The following UNC5D variants were observed in gnomAD, a reference collection of about 807,000 sequenced individuals.
The protein encoded by UNC5D is netrin receptor UNC5D.
In UNC5D, 39 loss-of-function variants were observed where a neutral mutation model predicts 105.4. That is an observed-to-expected ratio of 0.37 (90% CI 0.29 to 0.48). The LOEUF (loss-of-function observed/expected upper bound fraction) is 0.48, where lower values mean the gene tolerates loss of function less well. Ranked by LOEUF, UNC5D falls within the 20% of genes least tolerant of loss-of-function variation. UNC5D has a pLI of 0.98. For synonymous variants in UNC5D, 452 were observed against 450.4 expected, an observed-to-expected ratio of 1.00 and a Z score of -0.04; for missense variants, 991 against 1,202.4, an observed-to-expected ratio of 0.82 and a Z score of 2.60.
chr8:35,722,296 C>T lies in UNC5D; in HGVS notation c.1204C>T (p.Leu402Phe). ...AVAVLVIGVT[L>F]YRRSQSDYGV... ...TGCAGTCCTGGTCATTGGTGTCACC[C>T]TTTACAGACGGAGCCAGAGTGACTA... Residue 402 changes from leucine (L) to phenylalanine (F), a missense_variant, in exon 9 of 17, where the codon CTT becomes TTT. By Grantham distance (22) the Leu-to-Phe change is conservative. This residue lies in a region of UNC5D where 944 missense variants were observed against 1,131.6 expected (regional missense o/e 0.83). Coordinates refer to ENST00000404895, the MANE Select transcript of UNC5D (RefSeq NM_080872.4). 1 of 1,614,174 alleles carries T rather than the reference C, an allele frequency of 6.2e-7. No individual in the cohort carries two copies. Among genetic ancestry groups the T allele is most frequent in the Non-Finnish European group, 8.5e-7 (1 of 1,180,030 alleles).
At chr8:35,665,636 T>A (rs1824372684) in intron 4 of UNC5D, among the ~76,000 whole-genome samples, 2 of 141,020 alleles carry the variant, frequency 1.4e-5, no homozygotes, top group African/African-American at 6.1e-5. Context: ...GGAGAGAAGG[T>A]GCCATTTTTT....
chr8:35,589,558 A>C (rs1184951961), intron 3 of UNC5D, among the ~76,000 whole-genome samples: 3 of 152,134 alleles, frequency 2.0e-5, no homozygotes, highest in African/African-American at 7.2e-5. Flanking sequence ...GTATACTCAC[A>C]GAGTTGTATA....
At chr8:35,655,394 TG>T (rs1823663888) in intron 4 of UNC5D, among the ~76,000 whole-genome samples, 1 of 152,208 alleles carries the variant, frequency 6.6e-6, no homozygotes, top group Non-Finnish European at 1.5e-5. Flanking sequence ...GGTATTTAAT[TG>T]GTATCTAAGG....
intron 1 of UNC5D, among the ~76,000 whole-genome samples, chr8:35,514,059 G>A (rs1240956456): frequency 5.3e-5 from 8 of 152,188 alleles, no homozygotes; most frequent in Non-Finnish European, 1.2e-4. Flanking sequence ...AGTCCTCCAA[G>A]TGAAGAAAAA....
intron 1 of UNC5D, among the ~76,000 whole-genome samples, chr8:35,305,382 G>C (rs1808257546): frequency 6.6e-6 from 1 of 151,698 alleles, no homozygotes; most frequent in Admixed American, 6.6e-5. Context: ...TAAATAGATG[G>C]GGTTCAAAAA....
intron 1 of UNC5D, among the ~76,000 whole-genome samples, chr8:35,306,867 A>G (rs1392447793): frequency 2.0e-5 from 3 of 152,198 alleles, no homozygotes; most frequent in Admixed American, 6.6e-5. Context: ...TCCATCATTG[A>G]TAGATCAGAT....
At chr8:35,693,079 C>T (rs1826519121) in intron 7 of UNC5D, among the ~76,000 whole-genome samples, 1 of 152,210 alleles carries the variant, frequency 6.6e-6, no homozygotes, top group East Asian at 1.9e-4. Context: ...AATATGAAGA[C>T]CAGTGAGGAA....
At chr8:35,672,839 T>TA (rs945275872) in intron 4 of UNC5D, among the ~76,000 whole-genome samples, 32 of 151,642 alleles carry the variant, frequency 2.1e-4, no homozygotes, top group African/African-American at 4.8e-4. Flanking sequence ...TAATGAATTT[T>TA]AAAAAAAAAT....
chr8:35,608,009 C>A (rs993867441), intron 4 of UNC5D, among the ~76,000 whole-genome samples: 1 of 152,084 alleles, frequency 6.6e-6, no homozygotes, highest in East Asian at 1.9e-4. Flanking sequence ...TAGACTATGG[C>A]TGACTGTAAT....
At chr8:35,311,071 C>T (rs1371587920) in intron 1 of UNC5D, among the ~76,000 whole-genome samples, 2 of 152,074 alleles carry the variant, frequency 1.3e-5, no homozygotes, top group Non-Finnish European at 2.9e-5. Context: ...TGCAGGAGGC[C>T]TCATGGAGGA....
intron 4 of UNC5D, among the ~76,000 whole-genome samples, chr8:35,618,033 TGTGTGCAGGAA>T (rs1821135549): frequency 6.6e-6 from 1 of 152,216 alleles, no homozygotes; most frequent in Admixed American, 6.5e-5. Context: ...CCTTAATTTC[TGTGTGCAGGAA>T]GTGTCAGGCT....
intron 1 of UNC5D, among the ~76,000 whole-genome samples, chr8:35,243,478 C>T (rs1255340982): frequency 1.3e-5 from 2 of 152,016 alleles, no homozygotes; most frequent in Non-Finnish European, 2.9e-5. Context: ...ATTGACTCAC[C>T]CAGAATTTTA....
At chr8:35,743,548 G>A (rs1829865376) in intron 11 of UNC5D, among the ~76,000 whole-genome samples, 2 of 151,044 alleles carry the variant, frequency 1.3e-5, no homozygotes, top group African/African-American at 2.4e-5. Flanking sequence ...CAAAGTGCTG[G>A]GATTACAGAC....
At position 35,634,971 on chromosome 8, in the gene UNC5D, G is replaced by A. The variant is rs561853271; in HGVS notation, c.570+39314G>A. On this transcript the variant is annotated intron_variant, in intron 4 of 16. Coordinates refer to ENST00000404895, the MANE Select transcript of UNC5D (RefSeq NM_080872.4). ...AGCAGAGACGGGATTTCTCCACGTT[G>A]GTCAGGCTGGTCTTGAACTCCTGAC... is the stretch of plus-strand genomic sequence containing the variant. Among the ~76,000 whole-genome samples the A allele has an allele frequency of 3.9e-5, 6 of 152,056 alleles. No homozygotes were observed. In the South Asian group the frequency reaches 1.3e-3, roughly 32 times the overall value.
intron 1 of UNC5D, among the ~76,000 whole-genome samples, chr8:35,390,415 C>T (rs1270747072): frequency 6.6e-6 from 1 of 151,958 alleles, no homozygotes; most frequent in Admixed American, 6.6e-5. Flanking sequence ...ATTAGTATTA[C>T]ACAAATGATG....
At chr8:35,720,014 T>C (rs959826362) in intron 8 of UNC5D, among the ~76,000 whole-genome samples, 1 of 152,238 alleles carries the variant, frequency 6.6e-6, no homozygotes, top group Non-Finnish European at 1.5e-5. Flanking sequence ...TACTTTGGTC[T>C]GCAGGCATAC....
chr8:35,574,924 C>G (rs1456508960), intron 3 of UNC5D, among the ~76,000 whole-genome samples: 1 of 151,978 alleles, frequency 6.6e-6, no homozygotes, highest in Non-Finnish European at 1.5e-5. Flanking sequence ...ACACTCCAAT[C>G]TCTCCCTAAA....
chr8:35,395,464 G>A (rs1804035597), intron 1 of UNC5D, among the ~76,000 whole-genome samples: 1 of 152,204 alleles, frequency 6.6e-6, no homozygotes, highest in South Asian at 2.1e-4. Context: ...GTGGGGTGGA[G>A]TCAGTGTTAA....
intron 1 of UNC5D, among the ~76,000 whole-genome samples, chr8:35,277,347 A>G (rs1409692158): frequency 6.6e-6 from 1 of 152,176 alleles, no homozygotes; most frequent in Admixed American, 6.6e-5. Context: ...CTTAAAGGCT[A>G]GTACATGGAT....
Sources: allele counts gnomAD v4.1 joint callset (sites outside exome capture counted in the v4.1 genomes callset), GRCh38; gene constraint gnomAD v4.1.1; regional missense constraint gnomAD v4.1.1; transcripts MANE v1.5; gene names NCBI Gene and HGNC (gene_info 2026-07-23, HGNC 2026-07-21).